The following CADPS variants were observed in gnomAD, a reference collection of about 807,000 sequenced individuals.
The protein encoded by CADPS is calcium dependent secretion activator, also known as calcium-dependent secretion activator 1.
CADPS carries 57 observed loss-of-function variants against 167.3 expected under a neutral mutation model. That is an observed-to-expected ratio of 0.34 (90% CI 0.28 to 0.42). The LOEUF is 0.42. CADPS is among the 20% of genes least tolerant of loss of function. The pLI, the probability that CADPS is intolerant of heterozygous loss-of-function variation, is 1.00. For synonymous variants in CADPS, 676 were observed against 635.3 expected (o/e 1.06, Z -0.96); for missense variants, 1,414 against 1,738.1 (o/e 0.81, Z 3.32).
At chr3:62,779,200 G>A in intron 1 of CADPS, 1 of 260,500 alleles carries the variant, frequency 3.8e-6, no homozygotes, top group Non-Finnish European at 8.1e-6. Context: ...TGCCTTTGGA[G>A]CTGGTGCTTT....
Position 62,866,757 on chromosome 3 carries a change from T to G in CADPS, c.441+7832A>C, listed in dbSNP as rs146894294. ...GCAAGAATACTATTTTTACTGTTAC[T>G]GATAATATTTGTCCATGTACCCCAT... On this transcript the variant is annotated intron_variant, in intron 1 of 29. Transcript: ENST00000383710. 2.0e-3 allele frequency among the ~76,000 whole-genome samples: 301 copies of G among 152,232 alleles called. 10 individuals carry two copies. The East Asian group carries it at 0.049, about 25-fold the overall frequency.
chr3:62,677,986 C>T (rs1350159880), intron 3 of CADPS, among the ~76,000 whole-genome samples: 1 of 152,088 alleles, frequency 6.6e-6, no homozygotes, highest in Non-Finnish European at 1.5e-5. Flanking sequence ...GGTTAAACAA[C>T]TGGGGTCTTG....
intron 1 of CADPS, among the ~76,000 whole-genome samples, chr3:62,851,506 A>C (rs1353264857): frequency 6.7e-6 from 1 of 148,542 alleles, no homozygotes; most frequent in Non-Finnish European, 1.5e-5. Flanking sequence ...CTTGTCTGTA[A>C]AGTATTTTAT....
intron 1 of CADPS, among the ~76,000 whole-genome samples, chr3:62,873,659 T>C (rs1007431050): frequency 1.3e-5 from 2 of 148,254 alleles, no homozygotes; most frequent in African/African-American, 5.0e-5. Flanking sequence ...CCCAGAGCTA[T>C]GTCAGCCTTG....
intron 1 of CADPS, among the ~76,000 whole-genome samples, chr3:62,777,620 G>A (rs9682986): frequency 0.17 from 26,411 of 152,124 alleles, 2,537 homozygotes; most frequent in East Asian, 0.27. Flanking sequence ...TGTGAATGAT[G>A]GGGGAAACTG....
intron 1 of CADPS, among the ~76,000 whole-genome samples, chr3:62,836,493 G>A (rs2075907810): frequency 6.6e-6 from 1 of 152,120 alleles, no homozygotes; most frequent in African/African-American, 2.4e-5. Context: ...CAAGTTAAGG[G>A]AAAAGTGCCC....
chr3:62,771,968 C>T (rs1049721985), intron 1 of CADPS, among the ~76,000 whole-genome samples: 4 of 152,124 alleles, frequency 2.6e-5, no homozygotes, highest in African/African-American at 9.7e-5. Context: ...GCTAGCTTTG[C>T]TATGAGACCT....
At chr3:62,678,524 C>T (rs879797815) in intron 3 of CADPS, among the ~76,000 whole-genome samples, 20 of 151,944 alleles carry the variant, frequency 1.3e-4, no homozygotes, top group Admixed American at 3.3e-4. Context: ...TGAGAAACCA[C>T]ACTTATCTTG....
chr3:62,593,629 C>T (rs1438919708), intron 6 of CADPS, among the ~76,000 whole-genome samples: 3 of 152,178 alleles, frequency 2.0e-5, no homozygotes, highest in East Asian at 3.9e-4. Context: ...CTCATCTGCT[C>T]CAATCTCACA....
At chr3:62,527,962 A>G (rs2072718105) in intron 13 of CADPS, among the ~76,000 whole-genome samples, 2 of 152,198 alleles carry the variant, frequency 1.3e-5, no homozygotes, top group Admixed American at 1.3e-4. Flanking sequence ...CCCCAATCCC[A>G]AAGGCAATTA....
chr3:62,852,939 C>T (rs2078925134), intron 1 of CADPS, among the ~76,000 whole-genome samples: 2 of 152,122 alleles, frequency 1.3e-5, no homozygotes, highest in Non-Finnish European at 1.5e-5. Flanking sequence ...TCAATTACTC[C>T]TTTATTTTAA....
chr3:62,558,605 T>C (rs1232838641), intron 9 of CADPS, among the ~76,000 whole-genome samples: 1 of 152,222 alleles, frequency 6.6e-6, no homozygotes, highest in East Asian at 1.9e-4. Flanking sequence ...GATTTGTTTT[T>C]GTTGTTTTAA....
At chr3:62,734,491 T>C (rs2078589492) in intron 3 of CADPS, among the ~76,000 whole-genome samples, 1 of 152,166 alleles carries the variant, frequency 6.6e-6, no homozygotes. Flanking sequence ...GTAGCCACTA[T>C]TCTGATTTCT....
chr3:62,835,768 G>C (rs2075804545), intron 1 of CADPS, among the ~76,000 whole-genome samples: 1 of 152,170 alleles, frequency 6.6e-6, no homozygotes, highest in Non-Finnish European at 1.5e-5. Flanking sequence ...ACATTTCAGG[G>C]AAACACAGCT....
chr3:62,590,428 A>G (rs1488988741), intron 7 of CADPS, among the ~76,000 whole-genome samples: 1 of 152,222 alleles, frequency 6.6e-6, no homozygotes, highest in Non-Finnish European at 1.5e-5. Context: ...CCCTAGGGAC[A>G]GAAATGAGTA....
At chr3:62,701,992 G>A (rs1354391468) in intron 3 of CADPS, among the ~76,000 whole-genome samples, 1 of 152,082 alleles carries the variant, frequency 6.6e-6, no homozygotes, top group Admixed American at 6.5e-5. Context: ...CTTACCTTAT[G>A]TAAAATGCTT....
chr3:62,663,067 G>C (rs534457398), intron 3 of CADPS, among the ~76,000 whole-genome samples: 5 of 152,296 alleles, frequency 3.3e-5, no homozygotes, highest in East Asian at 1.9e-4. Context: ...AAAGAAAAAG[G>C]GGTCAGTTAT....
Position 62,731,805 on chromosome 3 carries a change from C to CAAAAAAAAAAAAAAAAAAAA in CADPS, c.888+21616_888+21635dup, listed in dbSNP as rs1212456893. 1.8e-3 allele frequency among the ~76,000 whole-genome samples: 48 copies of CAAAAAAAAAAAAAAAAAAAA among 27,134 alleles called. 2 individuals carry two copies. The highest frequency in any genetic ancestry group is 3.3e-3 in the African/African-American group (20 of 6,092). 17.8% of individuals were successfully genotyped at this position (27,134 alleles called of 152,430 possible). On this transcript the variant is annotated intron_variant, in intron 3 of 29. Coordinates refer to ENST00000383710, the MANE Select transcript of CADPS (RefSeq NM_003716.4). ...CCTGGTGAAAGAAACTGATCATATG[C>CAAAAAAAAAAAAAAAAAAAA]AAAAAAAAAAAAAAAAAAAAAAAAA...
rs571961010 is a variant in CADPS at position 62,838,184 on chromosome 3, G to A, written c.441+36405C>T. Among the ~76,000 whole-genome samples, 147 of 152,268 alleles carry A rather than the reference G, an allele frequency of 9.7e-4. 1 individual carries two copies. The highest frequency in any genetic ancestry group is 3.4e-3 in the African/African-American group (142 of 41,570). On this transcript the variant is annotated intron_variant, in intron 1 of 29. Transcript: ENST00000383710. Reference sequence around the variant, plus strand: ...ATCAGCCCAGGGGCTGATTTCATTCGGCGCATATATTACTGACCTCACTAA... The same window carrying A: ...ATCAGCCCAGGGGCTGATTTCATTCAGCGCATATATTACTGACCTCACTAA...
Sources: allele counts gnomAD v4.1 joint callset (sites outside exome capture counted in the v4.1 genomes callset), GRCh38; gene constraint gnomAD v4.1.1; transcripts MANE v1.5; gene names NCBI Gene and HGNC (gene_info 2026-07-23, HGNC 2026-07-21).